Variants in ULK1 observed in about 807,000 individuals in gnomAD.
ULK1 encodes the protein serine/threonine-protein kinase ULK1.
A neutral mutation model predicts 117.5 loss-of-function variants in ULK1; 48 were observed. The ratio of observed to expected loss-of-function variants is 0.41; its 90% CI spans 0.32 to 0.52. ULK1 has a LOEUF of 0.52. Ranked by LOEUF, ULK1 falls within the 20% of genes least tolerant of loss-of-function variation. The pLI is 0.29. For synonymous variants in ULK1, 790 were observed against 637.8 expected, an observed-to-expected ratio of 1.24 and a Z score of -3.60; for missense variants, 1,387 against 1,473.4, an observed-to-expected ratio of 0.94 and a Z score of 0.96.
chr12:131,915,849 C>T, intron 18 of ULK1, 42 bp from the exon 19 acceptor site: 1 of 1,601,404 alleles, frequency 6.2e-7, no homozygotes. Context: ...TAGGGCTGGG[C>T]CGCCGGACCG....
At chr12:131,905,839 G>A (rs1297493612) in intron 3 of ULK1, among the ~76,000 whole-genome samples, 2 of 152,158 alleles carry the variant, frequency 1.3e-5, no homozygotes, top group Non-Finnish European at 2.9e-5. Context: ...TGCACCGGTG[G>A]CTTACTCTGA....
intron 4 of ULK1, 105 bp from the exon 5 acceptor site, chr12:131,907,390 G>A (rs577220897): frequency 2.2e-4 from 326 of 1,452,194 alleles, no homozygotes; most frequent in Non-Finnish European, 2.9e-4. Context: ...GGTGCCTGCG[G>A]GCTCAGGGAG....
chr12:131,922,482 G>C lies in ULK1; in HGVS notation c.*1121G>C, dbSNP rs555691748. ...CAGTTTTGATGTCAGCTCCTCGGCA[G>C]GGTAGGCCTGATGACAGCCCTGTCC... is the stretch of plus-strand genomic sequence containing the variant. On this transcript the variant is annotated 3_prime_UTR_variant, in exon 28 of 28. Coordinates refer to ENST00000321867, the MANE Select transcript of ULK1 (RefSeq NM_003565.4). 101 of 174,684 alleles carry C rather than the reference G, an allele frequency of 5.8e-4. No individual in the cohort carries two copies. The highest frequency in any genetic ancestry group is 2.5e-3 in the South Asian group (21 of 8,502). 10.8% of individuals were successfully genotyped at this position (174,684 alleles called of 1,614,324 possible). A position where few individuals can be genotyped will look rare whatever the true frequency, so the allele number is the denominator to read the frequency against.
chr12:131,915,497 C>T, intron 18 of ULK1, 76 bp downstream of exon 18: 1 of 1,517,760 alleles, frequency 6.6e-7, no homozygotes, highest in South Asian at 1.2e-5. Flanking sequence ...GTCTAAAGCC[C>T]TTGCTCTTTC....
chr12:131,920,863 G>T, intron 26 of ULK1: 1 of 565,508 alleles, frequency 1.8e-6, no homozygotes, highest in Non-Finnish European at 3.0e-6. Flanking sequence ...CGGGCACTCT[G>T]TTGTCCTGGG....
intron 20 of ULK1, 100 bp downstream of exon 20, chr12:131,916,691 C>T (rs1184126024): frequency 8.1e-6 from 11 of 1,364,716 alleles, no homozygotes; most frequent in Non-Finnish European, 9.6e-7. Flanking sequence ...CAGGAAAAGC[C>T]CAGCCTTGCC....
Position 131,911,982 on chromosome 12 carries a change from C to T in ULK1, c.989C>T (p.Ser330Phe). The stretch of plus-strand genomic sequence containing the variant: ...CAGCAGCTGCAGAAGACCCTGGCCT[C>T]CCCGGCTGACACCGCTGGCTTCCTG... ...EMQQLQKTLASPADTAGFLHS... is the reference protein window; with the variant it reads ...EMQQLQKTLAFPADTAGFLHS... Residue 330 changes from serine to phenylalanine, a missense_variant, in exon 13 of 28, where the codon TCC becomes TTC. Transcript: ENST00000321867. 1 of 1,612,904 alleles carries T rather than the reference C, an allele frequency of 6.2e-7. No individual in the cohort carries two copies. The highest frequency in any genetic ancestry group is 1.1e-5 in the South Asian group (1 of 91,090).
At position 131,912,979 on chromosome 12, in the gene ULK1, G is replaced by A. The variant is rs191019566; in HGVS notation, c.1097-219G>A. Among the ~76,000 whole-genome samples, 20 of 152,300 alleles carry A rather than the reference G, an allele frequency of 1.3e-4. No homozygotes were observed. In the East Asian group the frequency reaches 3.5e-3, roughly 26 times the overall value. On this transcript the variant is annotated intron_variant, in intron 13 of 27. Coordinates refer to ENST00000321867, the MANE Select transcript of ULK1 (RefSeq NM_003565.4). ...AGAGTCCAAGTGGGGATAAGCGGGG[G>A]CAGGTAGCGCTCTGGTCTCCCGGAG...
chr12:131,919,615 A>C, intron 25 of ULK1, 25 bp downstream of exon 25: 1 of 1,604,030 alleles, frequency 6.2e-7, no homozygotes, highest in Non-Finnish European at 8.5e-7. Context: ...CGCTCAGCCC[A>C]CATGCCGGGT....
rs1480247138 is a variant in ULK1 at position 131,903,558 on chromosome 12, G to T, written c.247-3334G>T. Among the ~76,000 whole-genome samples, 3 of 152,216 alleles carry T rather than the reference G, an allele frequency of 2.0e-5. No homozygotes were observed. The highest frequency in any genetic ancestry group is 2.9e-5 in the Non-Finnish European group (2 of 68,036). On this transcript the variant is annotated intron_variant, in intron 3 of 27. Coordinates refer to ENST00000321867, the MANE Select transcript of ULK1 (RefSeq NM_003565.4). This position sits in a 1 kb window ranked among gnomAD's most constrained non-coding sequence, Gnocchi z 6.0. ...TGTGCCCCGATGCCCAGCTCAGGGA[G>T]TTGGATGCCCACAGCCCTGAGGGCC... is the stretch of plus-strand genomic sequence containing the variant.
At chr12:131,899,159 GCC>G (rs1888992703) in intron 3 of ULK1, among the ~76,000 whole-genome samples, 1 of 150,032 alleles carries the variant, frequency 6.7e-6, no homozygotes, top group Admixed American at 6.6e-5. Context: ...GAGCCACCAT[GCC>G]CAGCCTGCCT....
Position 131,908,826 on chromosome 12 carries a change from G to C in ULK1, c.490+9G>C, listed in dbSNP as rs768497731. 2 of 1,605,878 alleles carry C rather than the reference G, an allele frequency of 1.2e-6. No homozygotes were observed. The highest frequency in any genetic ancestry group is 1.7e-6 in the Non-Finnish European group (2 of 1,176,970). ...CATCCGCGTCAAGATCGGTCAGCCCGCGGGCAGGCAGGCGGGCCCGGCGGG... is the reference window on the plus strand; with the variant it reads ...CATCCGCGTCAAGATCGGTCAGCCCCCGGGCAGGCAGGCGGGCCCGGCGGG... On this transcript the variant is annotated intron_variant, in intron 6 of 27. Transcript: ENST00000321867.
chr12:131,895,950 T>G, intron 3 of ULK1, 126 bp downstream of exon 3: 1 of 1,234,704 alleles, frequency 8.1e-7, no homozygotes, highest in Non-Finnish European at 1.2e-6. Flanking sequence ...CCCTGGAGAC[T>G]CCACCCTGGG....
At chr12:131,910,642 TGTGGG>T in intron 11 of ULK1, 65 bp from the exon 12 acceptor site, 1 of 1,612,458 alleles carries the variant, frequency 6.2e-7, no homozygotes, top group Non-Finnish European at 8.5e-7. Context: ...TTGTCCAGTC[TGTGGG>T]TTGGCTCGAG....
In ULK1 at chr12:131,922,663, G is replaced by A. The variant is rs967665767; in HGVS notation, c.*1302G>A. On this transcript the variant is annotated 3_prime_UTR_variant, in exon 28 of 28. Transcript: ENST00000321867. ...TGCCTGAATCAGTAGATACTTGAAC[G>A]AGTCCCCAGTCTGCGGGAGGCAGTG... The A allele has an allele frequency of 3.9e-5, 6 of 152,922 alleles. No homozygotes were observed. The highest frequency in any genetic ancestry group is 7.3e-5 in the Non-Finnish European group (5 of 68,490). The allele number at this position is 152,922 out of a possible 1,614,324, so 9.5% of individuals were successfully genotyped here.
intron 10 of ULK1, 102 bp from the exon 11 acceptor site, chr12:131,910,152 G>C (rs1053112160): frequency 1.3e-6 from 2 of 1,575,440 alleles, no homozygotes; most frequent in Non-Finnish European, 1.7e-6. Flanking sequence ...ACCTCCGCCC[G>C]GGCAGGTGCC....
intron 3 of ULK1, among the ~76,000 whole-genome samples, chr12:131,901,453 G>A (rs1889085729): frequency 6.6e-6 from 1 of 152,136 alleles, no homozygotes; most frequent in Non-Finnish European, 1.5e-5. Flanking sequence ...GGCGTAGCAA[G>A]CGCCAGCCCA....
chr12:131,903,239 G>T lies in ULK1; in HGVS notation c.247-3653G>T, dbSNP rs1173259593. Among the ~76,000 whole-genome samples, 1 of 152,208 alleles carries T rather than the reference G, an allele frequency of 6.6e-6. No individual in the cohort carries two copies. The highest frequency in any genetic ancestry group is 1.5e-5 in the Non-Finnish European group (1 of 68,032). ...GGCAGAGGTGGTCCTGGGCTTGTTTGTCCTCACTTCTCATCCCTGACTCTG... is the reference window on the plus strand; with the variant it reads ...GGCAGAGGTGGTCCTGGGCTTGTTTTTCCTCACTTCTCATCCCTGACTCTG... On this transcript the variant is annotated intron_variant, in intron 3 of 27. Transcript: ENST00000321867. This position sits in a 1 kb window ranked among gnomAD's most constrained non-coding sequence, Gnocchi z 6.0.
Position 131,903,003 on chromosome 12 carries a change from G to C in ULK1, c.247-3889G>C, listed in dbSNP as rs1171751729. Among the ~76,000 whole-genome samples the C allele has an allele frequency of 6.6e-6, 1 of 152,166 alleles. No individual in the cohort carries two copies. The highest frequency in any genetic ancestry group is 1.5e-5 in the Non-Finnish European group (1 of 68,022). On this transcript the variant is annotated intron_variant, in intron 3 of 27. Transcript: ENST00000321867. The surrounding 1 kb of genome is among the most constrained non-coding windows in gnomAD (Gnocchi z 6.0). ...GTGTGGGTTCTGCAAGGCAGAGCTGGAGCCCGATGCCCTGTGTGGGTTCTG... is the reference window on the plus strand; with the variant it reads ...GTGTGGGTTCTGCAAGGCAGAGCTGCAGCCCGATGCCCTGTGTGGGTTCTG...
Sources: gnomAD v4.1 joint callset for allele counts (sites outside exome capture counted in the v4.1 genomes callset) on GRCh38, gnomAD v4.1.1 for gene constraint, Gnocchi (gnomAD v3.1) non-coding constraint, MANE v1.5 for transcripts, NCBI Gene and HGNC (gene_info 2026-07-23, HGNC 2026-07-21) for gene names.